Variants in TRPC4 observed in about 807,000 individuals in gnomAD.
TRPC4 encodes short transient receptor potential channel 4.
In TRPC4, 49 loss-of-function variants were observed where a neutral mutation model predicts 99.4. The ratio of observed to expected loss-of-function variants is 0.49; its 90% CI spans 0.39 to 0.63. The LOEUF is 0.63. Ranked by LOEUF, TRPC4 falls within the 20% of genes least tolerant of loss-of-function variation. TRPC4 has a pLI of 0.00. For synonymous variants in TRPC4, 454 were observed against 425.9 expected (o/e 1.07, Z -0.81); for missense variants, 898 against 1,152.9 (o/e 0.78, Z 3.20).
At chr13:37,755,946 C>T (rs1485547386) in intron 2 of TRPC4, among the ~76,000 whole-genome samples, 1 of 151,946 alleles carries the variant, frequency 6.6e-6, no homozygotes, top group Non-Finnish European at 1.5e-5. Context: ...CATTGTTTTA[C>T]TCTAACATAG....
At chr13:37,793,941 G>A (rs938974058) in intron 1 of TRPC4, among the ~76,000 whole-genome samples, 5 of 152,090 alleles carry the variant, frequency 3.3e-5, no homozygotes, top group Non-Finnish European at 5.9e-5. Context: ...GCTATTAATT[G>A]TTGGGAAAAA....
intron 4 of TRPC4, among the ~76,000 whole-genome samples, chr13:37,678,305 G>A (rs1953125917): frequency 6.6e-6 from 1 of 151,692 alleles, no homozygotes; most frequent in South Asian, 2.1e-4. Context: ...TAAAATGAAA[G>A]ATAAATCAAT....
At chr13:37,669,834 C>T (rs1467739463) in intron 5 of TRPC4, among the ~76,000 whole-genome samples, 1 of 152,088 alleles carries the variant, frequency 6.6e-6, no homozygotes, top group Non-Finnish European at 1.5e-5. Context: ...GTTTTGTGTG[C>T]ATTTTAAATA....
intron 1 of TRPC4, 39 bp from the exon 2 acceptor site, chr13:37,783,399 T>C (rs1250187943): frequency 6.9e-7 from 1 of 1,455,632 alleles, no homozygotes; most frequent in Non-Finnish European, 9.1e-7. Context: ...TTAGTGTTAA[T>C]ATGCTTTTAA....
At chr13:37,815,953 G>T (rs1473012904) in intron 1 of TRPC4, among the ~76,000 whole-genome samples, 2 of 151,014 alleles carry the variant, frequency 1.3e-5, no homozygotes, top group African/African-American at 4.9e-5. Flanking sequence ...TAAAACAATA[G>T]TAATAAAATC....
At chr13:37,692,365 T>C in intron 3 of TRPC4, 30 bp from the exon 4 acceptor site, 1 of 1,579,358 alleles carries the variant, frequency 6.3e-7, no homozygotes, top group Non-Finnish European at 8.6e-7. Flanking sequence ...AAAGGAAAAA[T>C]AAGTCACAGT....
intron 8 of TRPC4, among the ~76,000 whole-genome samples, chr13:37,644,097 T>C (rs1951801056): frequency 6.6e-6 from 1 of 152,224 alleles, no homozygotes; most frequent in African/African-American, 2.4e-5. Context: ...ATAATATATG[T>C]ACTCTTTGCA....
chr13:37,739,916 A>G (rs1955530886), intron 3 of TRPC4, among the ~76,000 whole-genome samples: 2 of 152,158 alleles, frequency 1.3e-5, no homozygotes, highest in African/African-American at 4.8e-5. Context: ...GGAAAGGTAT[A>G]TTTTAGACAT....
chr13:37,810,567 C>A (rs1409305341), intron 1 of TRPC4, among the ~76,000 whole-genome samples: 1 of 152,030 alleles, frequency 6.6e-6, no homozygotes, highest in African/African-American at 2.4e-5. Context: ...TTGTTAAACA[C>A]AAATATATAT....
chr13:37,688,998 A>G (rs1186351553), intron 4 of TRPC4, among the ~76,000 whole-genome samples: 1 of 152,180 alleles, frequency 6.6e-6, no homozygotes, highest in Admixed American at 6.6e-5. Flanking sequence ...TAATATAGTC[A>G]TCAAATCAGA....
intron 2 of TRPC4, among the ~76,000 whole-genome samples, chr13:37,772,829 T>C (rs981375000): frequency 6.6e-6 from 1 of 151,764 alleles, no homozygotes; most frequent in Non-Finnish European, 1.5e-5. Flanking sequence ...TCCCAGAGTC[T>C]GTCAACTTGC....
In TRPC4 at chr13:37,651,365, A is replaced by G; in HGVS notation, c.1979T>C (p.Ile660Thr). The change falls in exon 8 of 11, where the codon ATC (isoleucine) becomes ACC (threonine). Residue 660 changes from isoleucine (I) to threonine (T), a missense_variant. Transcript: ENST00000379705. ...GGTLPTPFNV[I>T]PSPKSLWYLI... is the part of the protein sequence containing the mutation. ...GTACCAGAGAGACTTGGGGCTCGGG[A>G]TGACATTGAAGGGAGTAGGCAGAGT... 3 of 1,614,098 alleles carry G rather than the reference A, an allele frequency of 1.9e-6. No homozygotes were observed. Among genetic ancestry groups the G allele is most frequent in the Non-Finnish European group, 2.5e-6 (3 of 1,179,992 alleles).
chr13:37,791,358 T>C (rs1390759765), intron 1 of TRPC4, among the ~76,000 whole-genome samples: 1 of 138,530 alleles, frequency 7.2e-6, no homozygotes, highest in Non-Finnish European at 1.5e-5. Flanking sequence ...ATCGTGCCAC[T>C]ACACTCCAGC....
intron 2 of TRPC4, among the ~76,000 whole-genome samples, chr13:37,762,637 T>C (rs1956252817): frequency 6.9e-6 from 1 of 145,646 alleles, no homozygotes; most frequent in Non-Finnish European, 1.5e-5. Context: ...AAACACCGCA[T>C]ATTCTCACTC....
At chr13:37,661,554 C>T (rs2138678547) in intron 6 of TRPC4, among the ~76,000 whole-genome samples, 1 of 152,266 alleles carries the variant, frequency 6.6e-6, no homozygotes, top group Admixed American at 6.5e-5. Flanking sequence ...GATATGGCAA[C>T]AGGAACAGAT....
At chr13:37,775,997 T>C (rs1456779042) in intron 2 of TRPC4, among the ~76,000 whole-genome samples, 2 of 151,876 alleles carry the variant, frequency 1.3e-5, no homozygotes, top group Non-Finnish European at 2.9e-5. Flanking sequence ...AAATGATGTA[T>C]TAATATATGA....
chr13:37,741,313 ACT>A (rs1233453691), intron 3 of TRPC4, among the ~76,000 whole-genome samples: 1 of 152,138 alleles, frequency 6.6e-6, no homozygotes, highest in Non-Finnish European at 1.5e-5. Flanking sequence ...ACTGCCACAG[ACT>A]CTGCATCTGC....
rs949796429 is a variant in TRPC4 at position 37,745,952 on chromosome 13, C to T, written c.882G>A (p.Lys294=). 7 of 1,612,466 alleles carry T rather than the reference C, an allele frequency of 4.3e-6. No individual in the cohort carries two copies. The African/African-American group carries it at 6.7e-5, about 15-fold the overall frequency. ...NDLARLKLAI[K]YRQKEFVAQP... ...CAACACTCACCTCTTTTTGACGGTA[C>T]TTAATGGCCAATTTTAGTCTTGCAA... The change falls in exon 3 of 11, where the codon AAG becomes AAA. Residue 294 remains lysine, a synonymous_variant. Transcript: ENST00000379705.
At chr13:37,787,576 CA>C (rs1957004302) in intron 1 of TRPC4, among the ~76,000 whole-genome samples, 1 of 151,932 alleles carries the variant, frequency 6.6e-6, no homozygotes, top group Non-Finnish European at 1.5e-5. Context: ...GCAAGTGTTA[CA>C]TAAAAAATAT....
Sources: gnomAD v4.1 joint callset for allele counts (sites outside exome capture counted in the v4.1 genomes callset) on GRCh38, gnomAD v4.1.1 for gene constraint, MANE v1.5 for transcripts, NCBI Gene and HGNC (gene_info 2026-07-23, HGNC 2026-07-21) for gene names.